Variants in CNTN4 observed in about 807,000 individuals in gnomAD.
The protein encoded by CNTN4 is contactin-4.
Under a neutral mutation model 122.5 loss-of-function variants are expected in CNTN4, and 77 were observed. The observed-to-expected ratio is 0.63, with a 90% CI of 0.52 to 0.76. The LOEUF (loss-of-function observed/expected upper bound fraction) is 0.76, where lower values mean the gene tolerates loss of function less well. Among genes scored for constraint, CNTN4 ranks in the 30% least tolerant of loss-of-function variants. The pLI is 0.00. For synonymous variants in CNTN4, 512 were observed against 447.0 expected (o/e 1.15, Z -1.83); for missense variants, 1,256 against 1,259.1 (o/e 1.00, Z 0.04).
intron 13 of CNTN4, among the ~76,000 whole-genome samples, chr3:2,958,337 A>T (rs1217999952): frequency 6.6e-6 from 1 of 152,158 alleles, no homozygotes; most frequent in Non-Finnish European, 1.5e-5. Context: ...ATATATTTTA[A>T]GTAATCAAAA....
At chr3:2,790,377 T>TG (rs2091971560) in intron 6 of CNTN4, among the ~76,000 whole-genome samples, 1 of 152,192 alleles carries the variant, frequency 6.6e-6, no homozygotes, top group Admixed American at 6.5e-5. Context: ...ATCAGGTAAA[T>TG]GACCCAGCCA....
In CNTN4 at chr3:2,969,376, T is replaced by C. The variant is rs538504655; in HGVS notation, c.1359-18969T>C. Among the ~76,000 whole-genome samples, 5 of 152,270 alleles carry C rather than the reference T, an allele frequency of 3.3e-5. No homozygotes were observed. In the South Asian group the frequency reaches 1.0e-3, roughly 32 times the overall value. On this transcript the variant is annotated intron_variant, in intron 13 of 24. Transcript: ENST00000418658. ...AGGTGTCCACTCCTGAACCAATCGC[T>C]TTAACCAGGAGTGTGTGATGCTCTA...
chr3:2,146,393 C>A (rs896194333), intron 2 of CNTN4, among the ~76,000 whole-genome samples: 1 of 151,510 alleles, frequency 6.6e-6, no homozygotes, highest in African/African-American at 2.4e-5. Flanking sequence ...ATAGTAATAT[C>A]TATGCATATA....
intron 2 of CNTN4, among the ~76,000 whole-genome samples, chr3:2,273,511 C>G (rs573553881): frequency 1.5e-4 from 23 of 152,294 alleles, no homozygotes; most frequent in Non-Finnish European, 2.9e-4. Context: ...GTAGCAACTT[C>G]CATGACTGAT....
chr3:3,039,897 T>C, intron 19 of CNTN4, 140 bp from the exon 20 acceptor site: 1 of 712,456 alleles, frequency 1.4e-6, no homozygotes, highest in African/African-American at 1.7e-5. Context: ...AAGCCCTAAA[T>C]TTAAAAGACT....
rs190293336 is a variant in CNTN4, at chr3:2,168,027, C to G, written c.-145+67388C>G. On this transcript the variant is annotated intron_variant, in intron 2 of 24. Transcript: ENST00000418658. ...TGGTGTTGTGTGCCTATGGTTCTAGCTAGGCTGAGCCAGGAGGATCGCTTG... is the reference window on the plus strand; with the variant it reads ...TGGTGTTGTGTGCCTATGGTTCTAGGTAGGCTGAGCCAGGAGGATCGCTTG... Among the ~76,000 whole-genome samples, 1,203 of 152,174 alleles carry G rather than the reference C, an allele frequency of 7.9e-3. 13 individuals carry two copies. The highest frequency in any genetic ancestry group is 0.027 in the African/African-American group (1,121 of 41,516).
At chr3:2,390,736 T>G (rs560725121) in intron 3 of CNTN4, among the ~76,000 whole-genome samples, 8 of 152,264 alleles carry the variant, frequency 5.3e-5, no homozygotes, top group African/African-American at 1.7e-4. Flanking sequence ...ATTAAAGCAG[T>G]TTTACAAAAG....
At chr3:3,039,870 T>G in intron 19 of CNTN4, 167 bp from the exon 20 acceptor site, 1 of 664,992 alleles carries the variant, frequency 1.5e-6, no homozygotes, top group Non-Finnish European at 2.8e-6. Context: ...CATAACTGTT[T>G]AAGATAGACT....
intron 2 of CNTN4, among the ~76,000 whole-genome samples, chr3:2,254,026 C>G (rs1277684670): frequency 6.6e-6 from 1 of 152,046 alleles, no homozygotes; most frequent in Non-Finnish European, 1.5e-5. Context: ...TCTCCTAATG[C>G]TATCCCTCCC....
chr3:2,655,584 G>A (rs1029029934), intron 4 of CNTN4, among the ~76,000 whole-genome samples: 2 of 152,068 alleles, frequency 1.3e-5, no homozygotes, highest in Non-Finnish European at 2.9e-5. Context: ...GCAGGGACTG[G>A]CCATGCAAAA....
chr3:2,790,197 G>A (rs1024744642), intron 6 of CNTN4, among the ~76,000 whole-genome samples: 2 of 152,220 alleles, frequency 1.3e-5, no homozygotes, highest in Non-Finnish European at 2.9e-5. Flanking sequence ...TCAAACCTGA[G>A]TTTGTTAGAT....
At chr3:2,606,283 C>T (rs557168056) in intron 4 of CNTN4, among the ~76,000 whole-genome samples, 50 of 152,154 alleles carry the variant, frequency 3.3e-4, no homozygotes, top group Admixed American at 2.4e-3. Context: ...ACAATATAAC[C>T]TAATTTGTCT....
At chr3:2,868,449 G>A (rs968859822) in intron 8 of CNTN4, among the ~76,000 whole-genome samples, 11 of 152,098 alleles carry the variant, frequency 7.2e-5, no homozygotes, top group Admixed American at 7.2e-4. Context: ...CGGGAACTCA[G>A]ATTTCTATTC....
chr3:2,121,861 C>T (rs2033804024), intron 2 of CNTN4, among the ~76,000 whole-genome samples: 1 of 150,706 alleles, frequency 6.6e-6, no homozygotes, highest in Non-Finnish European at 1.5e-5. Flanking sequence ...TTCAGTTTGC[C>T]ATTGTACCCC....
In CNTN4 at chr3:2,973,509, T is replaced by C. The variant is rs73116640; in HGVS notation, c.1359-14836T>C. Among the ~76,000 whole-genome samples the C allele has an allele frequency of 7.1e-3, 1,076 of 152,066 alleles. 23 individuals carry two copies. Among genetic ancestry groups the C allele is most frequent in the African/African-American group, 0.025 (1,028 of 41,416 alleles). Reference sequence around the variant, plus strand: ...TGCATAGCTTCATTTTGGGGGAGAATGTTATAATTTGCTTCTGAAAACTAA... The same window carrying C: ...TGCATAGCTTCATTTTGGGGGAGAACGTTATAATTTGCTTCTGAAAACTAA... On this transcript the variant is annotated intron_variant, in intron 13 of 24. Coordinates refer to ENST00000418658, the MANE Select transcript of CNTN4 (RefSeq NM_175607.3).
intron 2 of CNTN4, among the ~76,000 whole-genome samples, chr3:2,320,126 T>A (rs556763662): frequency 6.6e-6 from 1 of 152,186 alleles, no homozygotes; most frequent in African/African-American, 2.4e-5. Context: ...AATTCTGGAA[T>A]GAAAATTAGA....
At chr3:2,427,548 G>C (rs1182042832) in intron 3 of CNTN4, among the ~76,000 whole-genome samples, 1 of 152,182 alleles carries the variant, frequency 6.6e-6, no homozygotes, top group African/African-American at 2.4e-5. Context: ...TGTATATTCT[G>C]TTGATTTGGG....
intron 3 of CNTN4, among the ~76,000 whole-genome samples, chr3:2,408,287 C>A (rs753918383): frequency 6.6e-5 from 10 of 152,144 alleles, no homozygotes; most frequent in African/African-American, 9.7e-5. Context: ...TTAATGAGGT[C>A]TCCCAGTAAA....
At chr3:2,734,838 T>G (rs1213293502) in intron 4 of CNTN4, among the ~76,000 whole-genome samples, 1 of 152,188 alleles carries the variant, frequency 6.6e-6, no homozygotes, top group East Asian at 1.9e-4. Flanking sequence ...CAGTTGCAAT[T>G]CTTGCCCTTC....
Sources: allele counts gnomAD v4.1 joint callset (sites outside exome capture counted in the v4.1 genomes callset), GRCh38; gene constraint gnomAD v4.1.1; transcripts MANE v1.5; gene names NCBI Gene and HGNC (gene_info 2026-07-23, HGNC 2026-07-21).